MARS1: variants seen among roughly 807,000 people sequenced by gnomAD.
MARS1 encodes the protein methionyl-tRNA synthetase 1.
A neutral mutation model predicts 119.5 loss-of-function variants in MARS1; 80 were observed. The ratio of observed to expected loss-of-function variants is 0.67; its 90% confidence interval spans 0.56 to 0.81. MARS1 has a LOEUF of 0.81. Ranked by LOEUF, MARS1 falls within the 30% of genes least tolerant of loss-of-function variation. MARS1 has a pLI of 0.00. For missense variants in MARS1, 945 were observed against 1,116.5 expected, an observed-to-expected ratio of 0.85 and a Z score of 2.19; for synonymous variants, 418 against 433.4, an observed-to-expected ratio of 0.96 and a Z score of 0.44.
chr12:57,495,729 G>A (rs891000591), intron 7 of MARS1, among the ~76,000 whole-genome samples: 6 of 152,228 alleles, frequency 3.9e-5, no homozygotes, highest in Admixed American at 3.9e-4. Flanking sequence ...CTGAGTGAGC[G>A]AGACTCCGTC....
intron 7 of MARS1, 112 bp downstream of exon 7, chr12:57,490,756 C>G (rs539637149): frequency 1.1e-4 from 74 of 653,060 alleles, no homozygotes; most frequent in Admixed American, 4.7e-4. Flanking sequence ...AATTTTTCAT[C>G]CTCTCCTTTT....
At chr12:57,494,494 ATTT>A (rs59160934) in intron 7 of MARS1, among the ~76,000 whole-genome samples, 4 of 95,488 alleles carry the variant, frequency 4.2e-5, no homozygotes, top group Non-Finnish European at 8.4e-5. Flanking sequence ...CGCCTGGCTA[ATTT>A]TTTTTTTTTT....
In MARS1 at chr12:57,516,418, ACCC is replaced by A; in HGVS notation, c.2557-13_2557-11del. 1 of 1,611,338 alleles carries A rather than the reference ACCC, an allele frequency of 6.2e-7. No homozygotes were observed. The highest frequency in any genetic ancestry group is 1.1e-5 in the South Asian group (1 of 90,920). Reference sequence around the variant, plus strand: ...TTTCTTGCCTCACTGTTACCTCCCCACCCCCCTTTATCTTAGGGAAACATTGTC... The same window carrying A: ...TTTCTTGCCTCACTGTTACCTCCCCACCCTTTATCTTAGGGAAACATTGTC... On this transcript the variant is annotated splice_polypyrimidine_tract_variant and intron_variant, in intron 20 of 20. Transcript: ENST00000262027.
At chr12:57,510,104 C>A (rs924275730) in intron 11 of MARS1, among the ~76,000 whole-genome samples, 3 of 152,090 alleles carry the variant, frequency 2.0e-5, no homozygotes, top group Admixed American at 6.6e-5. Context: ...CTCAAACTCT[C>A]GGGCTCAAGT....
chr12:57,511,529 A>T (rs1242482522), intron 11 of MARS1, 169 bp from the exon 12 acceptor site: 13 of 649,918 alleles, frequency 2.0e-5, no homozygotes, highest in Admixed American at 1.7e-4. Flanking sequence ...GTGAGCTGTG[A>T]TTATGATTGC....
rs1877652974 is a variant in MARS1, at chr12:57,514,064, A to AAC, written c.1968-655_1968-654insCA. On this transcript the variant is annotated intron_variant, in intron 15 of 20. Transcript: ENST00000262027. ...GGCAACAGAGTGAGAATCCTCAAAA[A>AAC]AAAAAAAAATTAAAAAAAAAAAAAA... 5.3e-5 allele frequency among the ~76,000 whole-genome samples: 8 copies of AAC among 151,106 alleles called. No individual in the cohort carries two copies. The South Asian group carries it at 1.5e-3, about 28-fold the overall frequency.
At position 57,512,929 on chromosome 12, in the gene MARS1, T is replaced by G; in HGVS notation, c.1932T>G (p.Ser644=). 1.2e-6 allele frequency: 2 copies of G among 1,614,222 alleles called. No individual in the cohort carries two copies. The highest frequency in any genetic ancestry group is 1.7e-6 in the Non-Finnish European group (2 of 1,180,034). ...SWTDLLLKNN[S]ELLNNLGNFI... is the part of the protein sequence containing the mutation. ...CGGACCTGCTGCTGAAGAATAATTC[T>G]GAGCTGCTTAACAACCTGGGCAACT... The change falls in exon 15 of 21, where the codon TCT becomes TCG. Residue 644 remains serine, a synonymous_variant. Transcript: ENST00000262027.
In MARS1 at chr12:57,516,253, G is replaced by A. The variant is rs1594838097; in HGVS notation, c.2472G>A (p.Thr824=). 8 of 1,614,136 alleles carry A rather than the reference G, an allele frequency of 5.0e-6. No individual in the cohort carries two copies. Among genetic ancestry groups the A allele is most frequent in the African/African-American group, 2.7e-5 (2 of 75,030 alleles). Residue 824 remains threonine (T), a synonymous_variant, in exon 20 of 21, where the codon ACG becomes ACA. Coordinates refer to ENST00000262027, the MANE Select transcript of MARS1 (RefSeq NM_004990.4). The stretch of plus-strand genomic sequence containing the variant: ...ACTTTGTTGTTCTCCAGGCAAAAAC[G>A]TCCCCGAAGCCAGCAGTTGTAGAGA... ...RQRFGGGQAK[T]SPKPAVVETV... is the part of the protein sequence containing the mutation.
At chr12:57,489,587 G>A (rs1021712865) in intron 4 of MARS1, 29 bp downstream of exon 4, 4 of 1,613,602 alleles carry the variant, frequency 2.5e-6, no homozygotes, top group Non-Finnish European at 3.4e-6. Flanking sequence ...TGAGGACTGG[G>A]GAAGGCTTAT....
Position 57,516,573 on chromosome 12 carries a change from AAAAAGT to A in MARS1, c.2701_*3del, listed in dbSNP as rs1409128703. ...CCCTGAAGCCCCTAAAGGCAAGAAGAAAAAGTAAAAGACCTTGGCTCATAGAAAGTC... is the reference window on the plus strand; with the variant it reads ...CCCTGAAGCCCCTAAAGGCAAGAAGAAAAAGACCTTGGCTCATAGAAAGTC... On this transcript the variant is annotated stop_lost and inframe_deletion, in exon 21 of 21. Coordinates refer to ENST00000262027, the MANE Select transcript of MARS1 (RefSeq NM_004990.4). 5.1e-6 allele frequency: 8 copies of A among 1,575,232 alleles called. No homozygotes were observed. The African/African-American group carries it at 9.7e-5, about 19-fold the overall frequency.
At chr12:57,512,672 A>G in intron 14 of MARS1, 79 bp from the exon 15 acceptor site, 2 of 1,158,682 alleles carry the variant, frequency 1.7e-6, no homozygotes, top group Non-Finnish European at 2.6e-6. Flanking sequence ...AGAAAGAGGA[A>G]AGAAGGAAGA....
intron 11 of MARS1, among the ~76,000 whole-genome samples, chr12:57,505,827 T>C (rs1050430227): frequency 6.7e-6 from 1 of 149,352 alleles, no homozygotes; most frequent in African/African-American, 2.5e-5. Context: ...CATAAAAAAA[T>C]TAAAGGCCAC....
chr12:57,488,491 C>A (rs1420956958), intron 1 of MARS1: 3 of 1,376,484 alleles, frequency 2.2e-6, no homozygotes, highest in African/African-American at 2.9e-5. Context: ...TTCTCCTACA[C>A]CTATCAGGCA....
chr12:57,506,724 T>G (rs1877195612), intron 11 of MARS1, among the ~76,000 whole-genome samples: 1 of 151,974 alleles, frequency 6.6e-6, no homozygotes, highest in South Asian at 2.1e-4. Context: ...TTGCCCAGAC[T>G]GTAGTGCAGT....
intron 11 of MARS1, among the ~76,000 whole-genome samples, chr12:57,508,285 G>C (rs973185785): frequency 6.6e-5 from 10 of 152,186 alleles, no homozygotes; most frequent in Non-Finnish European, 1.5e-4. Flanking sequence ...CTGCAATCTC[G>C]GCACTTTGGG....
rs1876758433 is a variant in MARS1, at chr12:57,498,577, A to T, written c.1045A>T (p.Ile349Phe). 6.2e-7 allele frequency: 1 copy of T among 1,614,154 alleles called. No individual in the cohort carries two copies. Among genetic ancestry groups the T allele is most frequent in the Non-Finnish European group, 8.5e-7 (1 of 1,180,024 alleles). Reference protein sequence around the residue: ...IHADIYRWFNISFDIFGRTTT... With the variant: ...IHADIYRWFNFSFDIFGRTTT... Reference sequence around the variant, plus strand: ...TGCTGACATCTACCGCTGGTTTAACATTTCGTTTGATATTTTTGGTCGCAC... The same window carrying T: ...TGCTGACATCTACCGCTGGTTTAACTTTTCGTTTGATATTTTTGGTCGCAC... Residue 349 changes from isoleucine to phenylalanine, a missense_variant, in exon 9 of 21, where the codon ATT becomes TTT. By Grantham distance (21) the Ile-to-Phe change is conservative. Coordinates refer to ENST00000262027, the MANE Select transcript of MARS1 (RefSeq NM_004990.4).
intron 5 of MARS1, 99 bp downstream of exon 5, chr12:57,490,070 C>T: frequency 2.1e-6 from 3 of 1,430,584 alleles, no homozygotes; most frequent in Non-Finnish European, 3.0e-6. Flanking sequence ...TACAGCTTGA[C>T]TGGGCAACTA....
intron 7 of MARS1, among the ~76,000 whole-genome samples, chr12:57,495,866 G>A (rs1049989325): frequency 3.8e-4 from 57 of 148,556 alleles, no homozygotes; most frequent in Non-Finnish European, 6.8e-4. Flanking sequence ...CAGGTGTGGC[G>A]GCGCGCGCCT....
chr12:57,488,464 C>T, intron 1 of MARS1: 2 of 1,156,508 alleles, frequency 1.7e-6, no homozygotes, highest in Non-Finnish European at 2.5e-6. Flanking sequence ...CAGTAAACTG[C>T]TCTTCCCTTC....
Sources: gnomAD v4.1 joint callset for allele counts (sites outside exome capture counted in the v4.1 genomes callset) on GRCh38, gnomAD v4.1.1 for gene constraint, MANE v1.5 for transcripts, NCBI Gene and HGNC (gene_info 2026-07-23, HGNC 2026-07-21) for gene names.